KDM4B: variants seen among roughly 807,000 people sequenced by gnomAD.
The protein encoded by KDM4B is lysine-specific demethylase 4B.
KDM4B carries 32 observed loss-of-function variants against 125.2 expected under a neutral mutation model. The ratio of observed to expected loss-of-function variants is 0.26; its 90% confidence interval spans 0.19 to 0.34. KDM4B has a LOEUF of 0.34. Among genes scored for constraint, KDM4B ranks in the 10% least tolerant of loss-of-function variants. The pLI, the probability that KDM4B is intolerant of heterozygous loss-of-function variation, is 1.00. For missense variants in KDM4B, 1,190 were observed against 1,577.7 expected (o/e 0.75, Z 4.16); for synonymous variants, 721 against 677.9 (o/e 1.06, Z -0.99).
At chr19:5,040,109 C>T in intron 4 of KDM4B, 98 bp downstream of exon 4, 2 of 1,303,238 alleles carry the variant, frequency 1.5e-6, no homozygotes, top group Non-Finnish European at 2.1e-6. Flanking sequence ...CACGCAGCCC[C>T]CACAGCATGG....
intron 6 of KDM4B, among the ~76,000 whole-genome samples, chr19:5,067,107 C>T (rs993108347): frequency 1.3e-5 from 2 of 152,182 alleles, no homozygotes; most frequent in Admixed American, 6.5e-5. Flanking sequence ...CTCCCGAAGG[C>T]TCCCCTGGCA....
At chr19:5,085,748 A>G (rs936464207) in intron 9 of KDM4B, among the ~76,000 whole-genome samples, 6 of 152,136 alleles carry the variant, frequency 3.9e-5, no homozygotes, top group Non-Finnish European at 7.4e-5. Flanking sequence ...GGCCTTACGC[A>G]GGGAGTGTCA....
chr19:5,138,568 A>G (rs534379844), intron 18 of KDM4B: 2 of 159,636 alleles, frequency 1.3e-5, no homozygotes, highest in African/African-American at 4.8e-5. Context: ...AGGTGGGAGG[A>G]TCGCCTGAGC....
chr19:4,991,132 CA>C (rs752136916), intron 1 of KDM4B, among the ~76,000 whole-genome samples: 10 of 151,820 alleles, frequency 6.6e-5, no homozygotes, highest in Non-Finnish European at 1.0e-4. Context: ...AATAGTAAAG[CA>C]AAAAATAAAA....
chr19:5,065,472 T>C (rs574751720), intron 6 of KDM4B, among the ~76,000 whole-genome samples: 110 of 152,370 alleles, frequency 7.2e-4, no homozygotes, highest in African/African-American at 2.5e-3. Flanking sequence ...TCACACTTTA[T>C]TTGTTTGATG....
intron 15 of KDM4B, 130 bp from the exon 16 acceptor site, chr19:5,137,132 G>A (rs549825123): frequency 4.4e-5 from 29 of 652,538 alleles, no homozygotes; most frequent in Admixed American, 4.0e-4. Context: ...CTGCAGCTGC[G>A]TGCGGAGGCC....
intron 12 of KDM4B, 50 bp downstream of exon 12, chr19:5,131,595 C>CGGGGG: frequency 1.7e-5 from 3 of 181,570 alleles, no homozygotes; most frequent in East Asian, 1.6e-4. Flanking sequence ...TGGGGTGGGG[C>CGGGGG]AGGGGAGGAG....
rs551378167 is a variant in KDM4B at position 5,041,927 on chromosome 19, C to T, written c.432+676C>T. On this transcript the variant is annotated intron_variant, in intron 5 of 22. Transcript: ENST00000159111. ...AGTGGACCTTGTCTGCGCTGTGGCC[C>T]GCAGGGGACTGGGTTTGCTCTCTGA... 8.5e-5 allele frequency among the ~76,000 whole-genome samples: 13 copies of T among 152,204 alleles called. No homozygotes were observed. The South Asian group carries it at 1.0e-3, about 12-fold the overall frequency.
Position 5,152,462 on chromosome 19 carries a change from G to C in KDM4B, c.*951G>C, listed in dbSNP as rs2039965060. The C allele has an allele frequency of 6.6e-6, 1 of 152,470 alleles. No homozygotes were observed. The highest frequency in any genetic ancestry group is 1.9e-4 in the East Asian group (1 of 5,182). 9.4% of individuals were successfully genotyped at this position (152,470 alleles called of 1,614,324 possible). ...GGCTCAGGATGAGGGAGGCCCCCAG[G>C]CCCTTCTGGTTGGTAGTGAGTGTGG... On this transcript the variant is annotated 3_prime_UTR_variant, in exon 23 of 23. Transcript: ENST00000159111.
intron 1 of KDM4B, among the ~76,000 whole-genome samples, chr19:4,986,141 G>A (rs759122721): frequency 1.3e-5 from 2 of 152,220 alleles, no homozygotes; most frequent in Non-Finnish European, 2.9e-5. Context: ...CTGACCTGCC[G>A]TGGGGGCTGT....
At chr19:5,014,496 C>T (rs188806663) in intron 1 of KDM4B, among the ~76,000 whole-genome samples, 3,232 of 151,926 alleles carry the variant, frequency 0.021, 37 homozygotes, top group Non-Finnish European at 0.031. Flanking sequence ...CAGGATGGTC[C>T]GATCTCCTGA....
At chr19:5,038,288 C>T (rs2036694533) in intron 3 of KDM4B, among the ~76,000 whole-genome samples, 1 of 152,232 alleles carries the variant, frequency 6.6e-6, no homozygotes, top group South Asian at 2.1e-4. Context: ...CCGTGGTGCC[C>T]ACCGGCAGTC....
At chr19:5,030,100 T>C (rs879358559) in intron 2 of KDM4B, among the ~76,000 whole-genome samples, 11 of 152,084 alleles carry the variant, frequency 7.2e-5, no homozygotes, top group Non-Finnish European at 1.0e-4. Context: ...AGCCCCCCTT[T>C]TTATTATTTA....
At chr19:5,120,009 C>T (rs1289816428) in intron 11 of KDM4B, among the ~76,000 whole-genome samples, 157 bp downstream of exon 11, 3 of 152,212 alleles carry the variant, frequency 2.0e-5, no homozygotes, top group Non-Finnish European at 4.4e-5. Flanking sequence ...TGAAAATAGA[C>T]ATCGTAAGGT....
intron 9 of KDM4B, among the ~76,000 whole-genome samples, chr19:5,099,924 A>C (rs1336461863): frequency 6.6e-6 from 1 of 152,026 alleles, no homozygotes; most frequent in African/African-American, 2.4e-5. Context: ...GAAACCAAAA[A>C]CTCCACAGGA....
intron 10 of KDM4B, chr19:5,111,281 G>T: frequency 1.4e-6 from 1 of 696,498 alleles, no homozygotes; most frequent in Middle Eastern, 2.5e-4. Context: ...GACTCAACGG[G>T]GCATCAGGTG....
intron 15 of KDM4B, among the ~76,000 whole-genome samples, chr19:5,136,405 G>A (rs917429619): frequency 6.6e-6 from 1 of 152,192 alleles, no homozygotes; most frequent in African/African-American, 2.4e-5. Flanking sequence ...CTCTGGAGAC[G>A]TTTAATTTTC....
Position 5,141,135 on chromosome 19 carries a change from A to G in KDM4B, c.2551-2832A>G, listed in dbSNP as rs1266510661. ...CACGAGCCCGGCGGGCTTGGATGCCATGCTTGGAGCCCACAGGTGCTGGGC... is the reference window on the plus strand; with the variant it reads ...CACGAGCCCGGCGGGCTTGGATGCCGTGCTTGGAGCCCACAGGTGCTGGGC... On this transcript the variant is annotated intron_variant, in intron 18 of 22. Coordinates refer to ENST00000159111, the MANE Select transcript of KDM4B (RefSeq NM_015015.3). The surrounding 1 kb of genome is among the most constrained non-coding windows in gnomAD (Gnocchi z 6.4). The G allele has an allele frequency of 3.3e-5, 5 of 152,224 alleles. No homozygotes were observed. Among genetic ancestry groups the G allele is most frequent in the Non-Finnish European group, 7.3e-5 (5 of 68,058 alleles). The allele number at this position is 152,224 out of a possible 1,614,324, so 9.4% of individuals were successfully genotyped here. A position where few individuals can be genotyped will look rare whatever the true frequency, so the allele number is the denominator to read the frequency against.
chr19:5,150,807 A>G (rs2039933739), intron 22 of KDM4B, among the ~76,000 whole-genome samples: 1 of 151,950 alleles, frequency 6.6e-6, no homozygotes, highest in Non-Finnish European at 1.5e-5. Context: ...CTGAACCATC[A>G]CAGGTTTTGG....
Sources: allele counts gnomAD v4.1 joint callset (sites outside exome capture counted in the v4.1 genomes callset), GRCh38; gene constraint gnomAD v4.1.1; non-coding constraint Gnocchi (gnomAD v3.1); transcripts MANE v1.5; gene names NCBI Gene and HGNC (gene_info 2026-07-23, HGNC 2026-07-21).